Variants in DGAT1 observed in about 807,000 individuals in gnomAD.
DGAT1 encodes ACAT related gene product 1.
Under a neutral mutation model 72.6 loss-of-function variants are expected in DGAT1, and 60 were observed. That is an observed-to-expected ratio of 0.83 (90% CI 0.67 to 1.02). The LOEUF (loss-of-function observed/expected upper bound fraction) is 1.02, where lower values mean the gene tolerates loss of function less well. DGAT1 is among the 50% of genes least tolerant of loss of function. DGAT1 has a pLI of 0.00. For missense variants in DGAT1, 592 were observed against 670.0 expected, an observed-to-expected ratio of 0.88 and a Z score of 1.29; for synonymous variants, 290 against 267.5, an observed-to-expected ratio of 1.08 and a Z score of -0.82.
intron 7 of DGAT1, 22 bp downstream of exon 7, chr8:144,318,239 C>G: frequency 1.2e-6 from 2 of 1,611,890 alleles, no homozygotes; most frequent in Non-Finnish European, 1.7e-6. Flanking sequence ...GCAGGCAGCC[C>G]CAGCCCCTGG....
Position 144,323,344 on chromosome 8 carries a change from C to T in DGAT1, c.201-1936G>A, listed in dbSNP as rs568643337. Among the ~76,000 whole-genome samples the T allele has an allele frequency of 1.5e-4, 23 of 152,244 alleles. No individual in the cohort carries two copies. In the South Asian group the frequency reaches 4.8e-3, roughly 32 times the overall value. Reference sequence around the variant, plus strand: ...GACAGGCTTCCAAGGCCTTCCTCAACCCAGCCACAGCCTCACCTCAGGCCC... The same window carrying T: ...GACAGGCTTCCAAGGCCTTCCTCAATCCAGCCACAGCCTCACCTCAGGCCC... On this transcript the variant is annotated intron_variant, in intron 1 of 16. Transcript: ENST00000528718.
intron 2 of DGAT1, 86 bp from the exon 3 acceptor site, chr8:144,319,154 G>C (rs1234626146): frequency 2.0e-6 from 3 of 1,475,900 alleles, no homozygotes; most frequent in Non-Finnish European, 2.8e-6. Flanking sequence ...CTCTGGGCAC[G>C]TCCCAGCCCG....
Position 144,318,308 on chromosome 8 carries a change from G to A in DGAT1, c.629C>T (p.Ser210Phe), listed in dbSNP as rs138248019. The change falls in exon 7 of 17, where the codon TCC (serine) becomes TTC (phenylalanine). Residue 210 changes from serine to phenylalanine, a missense_variant. Transcript: ENST00000528718. ...AHTILFLKLF[S>F]YRDVNSWCRR... ...GCACCATGAGTTGACGTCGCGGTAG[G>A]AGAAGAGCTTGAGGAAGAGGATGGT... 2 of 1,612,394 alleles carry A rather than the reference G, an allele frequency of 1.2e-6. No individual in the cohort carries two copies. Among genetic ancestry groups the A allele is most frequent in the Non-Finnish European group, 1.7e-6 (2 of 1,179,528 alleles).
rs782096599 is a variant in DGAT1, at chr8:144,318,869, A to C, written c.381T>G (p.Asp127Glu). The C allele has an allele frequency of 1.1e-5, 17 of 1,611,854 alleles. No individual in the cohort carries two copies. Among genetic ancestry groups the C allele is most frequent in the Non-Finnish European group, 1.4e-5 (17 of 1,179,114 alleles). The change falls in exon 4 of 17, where the codon GAT (aspartate) becomes GAG (glutamate). Residue 127 changes from aspartate to glutamate, a missense_variant. Transcript: ENST00000528718. ...GGCATGGGGCGGGCCAGCTATAGGG[A>C]TCCTTCAGGAACAGAGAAACCACCT... ...PIQVVSLFLK[D>E]PYSWPAPCLV...
chr8:144,325,022 C>T (rs1298720968), intron 1 of DGAT1, among the ~76,000 whole-genome samples: 1 of 151,996 alleles, frequency 6.6e-6, no homozygotes, highest in African/African-American at 2.4e-5. Context: ...CAAGAATGTG[C>T]CATTTTACTC....
At chr8:144,320,399 G>A (rs948830576) in intron 2 of DGAT1, among the ~76,000 whole-genome samples, 3 of 152,202 alleles carry the variant, frequency 2.0e-5, no homozygotes, top group East Asian at 1.9e-4. Flanking sequence ...ACCAGGACTC[G>A]TGGGCCTCCA....
chr8:144,321,265 C>G (rs376475111), intron 2 of DGAT1, 56 bp downstream of exon 2: 34 of 1,544,952 alleles, frequency 2.2e-5, no homozygotes, highest in African/African-American at 2.7e-5. Context: ...AAAGGCCAGC[C>G]TGGGACAGAG....
Position 144,314,961 on chromosome 8 carries a change from C to T in DGAT1, c.*1593G>A, listed in dbSNP as rs1554846617. ...GGGGTCTCTGGTTGTCACAGGACCACCAGGAACCCCCTTCCCAAGGTGTTC... is the reference window on the plus strand; with the variant it reads ...GGGGTCTCTGGTTGTCACAGGACCATCAGGAACCCCCTTCCCAAGGTGTTC... On this transcript the variant is annotated 3_prime_UTR_variant, in exon 17 of 17. Transcript: ENST00000528718. 2.0e-6 allele frequency: 2 copies of T among 985,784 alleles called. No individual in the cohort carries two copies. The highest frequency in any genetic ancestry group is 1.2e-4 in the Admixed American group (2 of 16,302). The allele number at this position is 985,784 out of a possible 1,614,324, so 61.1% of individuals were successfully genotyped here. A position where few individuals can be genotyped will look rare whatever the true frequency, so the allele number is the denominator to read the frequency against.
intron 1 of DGAT1, among the ~76,000 whole-genome samples, chr8:144,322,073 C>T (rs1350072434): frequency 2.0e-5 from 3 of 152,220 alleles, no homozygotes; most frequent in Non-Finnish European, 2.9e-5. Flanking sequence ...GGCTAGGTGC[C>T]TGCTGGCTGA....
Position 144,316,872 on chromosome 8 carries a change from A to G in DGAT1, c.1292T>C (p.Phe431Ser), listed in dbSNP as rs1817246261. 1.9e-6 allele frequency: 3 copies of G among 1,611,398 alleles called. No homozygotes were observed. The highest frequency in any genetic ancestry group is 2.5e-6 in the Non-Finnish European group (3 of 1,179,362). ...VPLRMFRLWA[F>S]TGMMAQIPLA... ...ACTCACCTGAGCCATCATGCCCGTG[A>G]ACGCCCAGAGGCGGAACATTCGCAG... The change falls in exon 16 of 17, where the codon TTC becomes TCC. Residue 431 changes from phenylalanine to serine, a missense_variant. Phe to Ser is a radical substitution (Grantham distance 155, BLOSUM62 -2). Transcript: ENST00000528718.
rs1426265852 is a variant in DGAT1, at chr8:144,326,817, A to G, written c.-181T>C. On this transcript the variant is annotated 5_prime_UTR_variant, in exon 1 of 17. Coordinates refer to ENST00000528718, the MANE Select transcript of DGAT1 (RefSeq NM_012079.6). ...CGCCCGCGTCGGGCCCGTCGGCCTC[A>G]AGGACAACGGCTGCGTTGCTCCGGA... 5.9e-6 allele frequency: 2 copies of G among 339,592 alleles called. No individual in the cohort carries two copies. Among genetic ancestry groups the G allele is most frequent in the Non-Finnish European group, 9.1e-6 (2 of 218,842 alleles). The allele number at this position is 339,592 out of a possible 1,614,324, so 21.0% of individuals were successfully genotyped here. A position where few individuals can be genotyped will look rare whatever the true frequency, so the allele number is the denominator to read the frequency against.
At chr8:144,320,139 A>G (rs1205513236) in intron 2 of DGAT1, among the ~76,000 whole-genome samples, 4 of 152,258 alleles carry the variant, frequency 2.6e-5, no homozygotes, top group Non-Finnish European at 5.9e-5. Context: ...CTCCAGGCCC[A>G]GGCCACAGAA....
In DGAT1 at chr8:144,315,164, A is replaced by G; in HGVS notation, c.*1390T>C. On this transcript the variant is annotated 3_prime_UTR_variant, in exon 17 of 17. Transcript: ENST00000528718. ...AGCAGGCTTTGCTGCTTTATCTGGC[A>G]GCAACAGTTTGTTCTCGAGCTCCAC... 1.0e-6 allele frequency: 1 copy of G among 985,476 alleles called. No individual in the cohort carries two copies. The highest frequency in any genetic ancestry group is 1.2e-6 in the Non-Finnish European group (1 of 829,954). 61.0% of individuals were successfully genotyped at this position (985,476 alleles called of 1,614,324 possible). A position where few individuals can be genotyped will look rare whatever the true frequency, so the allele number is the denominator to read the frequency against.
chr8:144,318,778 G>A (rs1554847739), intron 4 of DGAT1, 27 bp from the exon 5 acceptor site: 2 of 1,607,078 alleles, frequency 1.2e-6, no homozygotes, highest in Non-Finnish European at 1.7e-6. Flanking sequence ...CAAGGGGCAG[G>A]TTTAGGGCCA....
At chr8:144,325,962 G>C (rs528098267) in intron 1 of DGAT1, among the ~76,000 whole-genome samples, 2 of 152,162 alleles carry the variant, frequency 1.3e-5, no homozygotes, top group South Asian at 2.1e-4. Flanking sequence ...CCCTGTCCTC[G>C]GACAGGCCTG....
intron 3 of DGAT1, 48 bp downstream of exon 3, chr8:144,318,980 G>A (rs1358214383): frequency 2.6e-6 from 4 of 1,558,656 alleles, no homozygotes; most frequent in African/African-American, 2.7e-5. Context: ...GGCGGGGCCT[G>A]GACAGGCCAT....
At chr8:144,320,465 G>A (rs1817417456) in intron 2 of DGAT1, among the ~76,000 whole-genome samples, 1 of 152,222 alleles carries the variant, frequency 6.6e-6, no homozygotes, top group Non-Finnish European at 1.5e-5. Context: ...GGATGTGGAT[G>A]TGCGTGGAGC....
intron 1 of DGAT1, among the ~76,000 whole-genome samples, chr8:144,325,711 G>A (rs1462650151): frequency 6.6e-6 from 1 of 152,162 alleles, no homozygotes; most frequent in Non-Finnish European, 1.5e-5. Flanking sequence ...GCTGAGCAGG[G>A]CACACGCCTG....
At position 144,315,416 on chromosome 8, in the gene DGAT1, C is replaced by T. The variant is rs551319551; in HGVS notation, c.*1138G>A. The stretch of plus-strand genomic sequence containing the variant: ...GTTCAGCAGGTTGCTGATGAGGCCC[C>T]TGGTGCAGTCCTGGGACCCTGTGCA... On this transcript the variant is annotated 3_prime_UTR_variant, in exon 17 of 17. Coordinates refer to ENST00000528718, the MANE Select transcript of DGAT1 (RefSeq NM_012079.6). 1.5e-5 allele frequency: 15 copies of T among 985,528 alleles called. No homozygotes were observed. The highest frequency in any genetic ancestry group is 5.2e-4 in the Middle Eastern group (1 of 1,920). The allele number at this position is 985,528 out of a possible 1,614,324, so 61.0% of individuals were successfully genotyped here.
Sources: allele counts gnomAD v4.1 joint callset (sites outside exome capture counted in the v4.1 genomes callset), GRCh38; gene constraint gnomAD v4.1.1; transcripts MANE v1.5; gene names NCBI Gene and HGNC (gene_info 2026-07-23, HGNC 2026-07-21).